LIMD1: variants seen among roughly 807,000 people sequenced by gnomAD.
LIMD1 encodes LIM domain-containing protein 1.
Under a neutral mutation model 58.4 loss-of-function variants are expected in LIMD1, and 23 were observed. The ratio of observed to expected loss-of-function variants is 0.39; its 90% CI spans 0.28 to 0.56. The LOEUF is 0.56. Ranked by LOEUF, LIMD1 falls within the 20% of genes least tolerant of loss-of-function variation. The pLI is 0.57. For missense variants in LIMD1, 838 were observed against 855.5 expected, an observed-to-expected ratio of 0.98 and a Z score of 0.25; for synonymous variants, 334 against 345.5, an observed-to-expected ratio of 0.97 and a Z score of 0.37.
At chr3:45,597,951 T>A (rs367577526) in intron 1 of LIMD1, among the ~76,000 whole-genome samples, 9 of 152,322 alleles carry the variant, frequency 5.9e-5, no homozygotes, top group African/African-American at 1.7e-4. Context: ...GTTTATGGCT[T>A]ACTTTTTTTA....
chr3:45,651,571 C>T (rs144016964), intron 2 of LIMD1, among the ~76,000 whole-genome samples: 4,613 of 152,128 alleles, frequency 0.03, 76 homozygotes, highest in Non-Finnish European at 0.041. Context: ...GTTTTCCCAG[C>T]ACCATTAAGT....
At chr3:45,645,594 C>T (rs1701891847) in intron 2 of LIMD1, among the ~76,000 whole-genome samples, 1 of 152,166 alleles carries the variant, frequency 6.6e-6, no homozygotes, top group South Asian at 2.1e-4. Context: ...TCCAGTACGC[C>T]AGGAGCATCA....
At chr3:45,662,087 A>G (rs1697449336) in intron 2 of LIMD1, among the ~76,000 whole-genome samples, 1 of 152,204 alleles carries the variant, frequency 6.6e-6, no homozygotes, top group Non-Finnish European at 1.5e-5. Flanking sequence ...GAGGAAAGCT[A>G]AAGATTTTAT....
intron 2 of LIMD1, among the ~76,000 whole-genome samples, chr3:45,655,054 G>A (rs1390332109): frequency 6.6e-6 from 1 of 151,600 alleles, no homozygotes; most frequent in African/African-American, 2.4e-5. Context: ...TGAGTAGCTG[G>A]GATTACAGGC....
rs1651054033 is a variant in LIMD1 at position 45,595,689 on chromosome 3, G to A, written c.810G>A (p.Arg270=). Residue 270 remains arginine, a synonymous_variant, in exon 1 of 8, where the codon CGG becomes CGA. Transcript: ENST00000273317. ...TGLWSTASSQ[R]VSPGLPSPNL... ...TTTGGTCCACTGCCTCCTCCCAGCG[G>A]GTGAGCCCTGGCCTGCCTTCCCCAA... The A allele has an allele frequency of 3.7e-6, 6 of 1,614,062 alleles. No individual in the cohort carries two copies. The African/African-American group carries it at 4.0e-5, about 11-fold the overall frequency.
chr3:45,601,616 T>C (rs1328826837), intron 1 of LIMD1, among the ~76,000 whole-genome samples: 1 of 152,216 alleles, frequency 6.6e-6, no homozygotes, highest in Non-Finnish European at 1.5e-5. Context: ...GCACTGGAGT[T>C]CAGTGCTTTG....
At position 45,595,842 on chromosome 3, in the gene LIMD1, G is replaced by C. The variant is rs757664894; in HGVS notation, c.963G>C (p.Glu321Asp). The change falls in exon 1 of 8, where the codon GAG (glutamate) becomes GAC (aspartate). Residue 321 changes from glutamate to aspartate, a missense_variant. Around this residue, in one of 3 missense-constraint regions of LIMD1, gnomAD observed 659 missense variants for 639.8 expected, o/e 1.03. Transcript: ENST00000273317. ...LPRSNSGLGG[E>D]VSGVMSKPNV... is the part of the protein sequence containing the mutation. ...GATCAAACTCGGGGCTGGGGGGTGAGGTTTCAGGTGTGATGTCCAAACCCA... is the reference window on the plus strand; with the variant it reads ...GATCAAACTCGGGGCTGGGGGGTGACGTTTCAGGTGTGATGTCCAAACCCA... The C allele has an allele frequency of 6.2e-7, 1 of 1,614,214 alleles. No individual in the cohort carries two copies. Among genetic ancestry groups the C allele is most frequent in the South Asian group, 1.1e-5 (1 of 91,090 alleles).
chr3:45,596,888 G>C (rs1259647201), intron 1 of LIMD1, among the ~76,000 whole-genome samples: 1 of 146,412 alleles, frequency 6.8e-6, no homozygotes, highest in African/African-American at 2.5e-5. Context: ...TTGAGATGGA[G>C]TCTCGTTCTG....
chr3:45,652,177 T>C (rs1701980030), intron 2 of LIMD1, among the ~76,000 whole-genome samples: 1 of 152,242 alleles, frequency 6.6e-6, no homozygotes, highest in African/African-American at 2.4e-5. Flanking sequence ...TACGCCTTCC[T>C]TGGCCTCCCT....
intron 1 of LIMD1, among the ~76,000 whole-genome samples, chr3:45,633,193 G>A (rs1701753771): frequency 1.3e-5 from 2 of 151,996 alleles, no homozygotes; most frequent in South Asian, 4.2e-4. Context: ...AATCTCATCC[G>A]CCCGCCACCC....
chr3:45,596,832 A>C (rs1701360907), intron 1 of LIMD1, among the ~76,000 whole-genome samples: 1 of 150,384 alleles, frequency 6.6e-6, no homozygotes, highest in Non-Finnish European at 1.5e-5. Context: ...CAGGTCAAAC[A>C]CTACCATGAA....
chr3:45,604,093 A>G (rs1357944397), intron 1 of LIMD1, among the ~76,000 whole-genome samples: 2 of 152,202 alleles, frequency 1.3e-5, no homozygotes, highest in African/African-American at 2.4e-5. Flanking sequence ...GAAAATGTAA[A>G]AACACATTAT....
intron 1 of LIMD1, among the ~76,000 whole-genome samples, chr3:45,618,863 G>C (rs925359223): frequency 6.6e-6 from 1 of 152,182 alleles, no homozygotes; most frequent in African/African-American, 2.4e-5. Context: ...GGACCCACCA[G>C]GACTGCAGGG....
intron 1 of LIMD1, among the ~76,000 whole-genome samples, chr3:45,615,981 G>A (rs1484913575): frequency 6.6e-6 from 1 of 152,006 alleles, no homozygotes; most frequent in Non-Finnish European, 1.5e-5. Flanking sequence ...ATTTTGGGGC[G>A]GCATCTTCAG....
At chr3:45,674,271 C>A in intron 6 of LIMD1, 72 bp from the exon 7 acceptor site, 1 of 1,203,888 alleles carries the variant, frequency 8.3e-7, no homozygotes, top group Non-Finnish European at 1.2e-6. Flanking sequence ...CCTCCCCACC[C>A]CACGGTACAT....
chr3:45,595,216 G>C lies in LIMD1; in HGVS notation c.337G>C (p.Ala113Pro). Reference protein sequence around the residue: ...AKPPLAASTGAPGAVTTLAAG... With the variant: ...AKPPLAASTGPPGAVTTLAAG... ...GCCTCCTCTTGCTGCCTCGACAGGG[G>C]CACCTGGGGCAGTCACCACCCTCGC... The change falls in exon 1 of 8, where the codon GCA becomes CCA. Residue 113 changes from alanine (A) to proline (P), a missense_variant. Coordinates refer to ENST00000273317, the MANE Select transcript of LIMD1 (RefSeq NM_014240.3). 1 of 1,601,682 alleles carries C rather than the reference G, an allele frequency of 6.2e-7. No individual in the cohort carries two copies. Among genetic ancestry groups the C allele is most frequent in the Non-Finnish European group, 8.5e-7 (1 of 1,173,746 alleles).
chr3:45,645,359 T>C (rs941341957), intron 2 of LIMD1, among the ~76,000 whole-genome samples: 57 of 152,342 alleles, frequency 3.7e-4, no homozygotes, highest in African/African-American at 1.3e-3. Context: ...TCCTATCGTC[T>C]GAACACAGTC....
intron 2 of LIMD1, among the ~76,000 whole-genome samples, chr3:45,655,534 G>A (rs1361384323): frequency 6.6e-6 from 1 of 152,182 alleles, no homozygotes; most frequent in Non-Finnish European, 1.5e-5. Context: ...CAAGCCTGAG[G>A]CATAGTCTGA....
chr3:45,656,470 A>G (rs75188976), intron 2 of LIMD1, among the ~76,000 whole-genome samples: 2 of 149,982 alleles, frequency 1.3e-5, no homozygotes, highest in Non-Finnish European at 3.0e-5. Context: ...AAAAAAAAAA[A>G]GCATCAGTAA....
Sources: allele counts gnomAD v4.1 joint callset (sites outside exome capture counted in the v4.1 genomes callset), GRCh38; gene constraint gnomAD v4.1.1; regional missense constraint gnomAD v4.1.1; transcripts MANE v1.5; gene names NCBI Gene and HGNC (gene_info 2026-07-23, HGNC 2026-07-21).